Variants in CLIP4 observed in about 807,000 individuals in gnomAD.
CLIP4 encodes CAP-Gly domain containing linker protein family member 4, also known as CAP-Gly domain-containing linker protein 4.
Under a neutral mutation model 73.1 loss-of-function variants are expected in CLIP4, and 47 were observed. The observed-to-expected ratio is 0.64, with a 90% confidence interval of 0.51 to 0.82. The LOEUF is 0.82. Among genes scored for constraint, CLIP4 ranks in the 40% least tolerant of loss-of-function variants. The pLI, the probability that CLIP4 is intolerant of heterozygous loss-of-function variation, is 0.00. For missense variants in CLIP4, 874 were observed against 852.9 expected (o/e 1.02, Z -0.31); for synonymous variants, 306 against 295.4 (o/e 1.04, Z -0.37).
intron 15 of CLIP4, among the ~76,000 whole-genome samples, chr2:29,179,557 T>C (rs780848376): frequency 6.6e-6 from 1 of 152,186 alleles, no homozygotes; most frequent in Middle Eastern, 3.2e-3. Flanking sequence ...AGATTCTTCT[T>C]CCATTATAAG....
chr2:29,170,160 G>A (rs964836660), intron 14 of CLIP4, among the ~76,000 whole-genome samples: 5 of 151,986 alleles, frequency 3.3e-5, no homozygotes, highest in Non-Finnish European at 7.4e-5. Flanking sequence ...TCATCCATTG[G>A]TGGACACTTA....
At chr2:29,179,645 G>A (rs115416410) in intron 15 of CLIP4, among the ~76,000 whole-genome samples, 2,068 of 152,302 alleles carry the variant, frequency 0.014, 25 homozygotes, top group Non-Finnish European at 0.022. Context: ...TACCTAGTAA[G>A]TGTTCAGGAA....
At chr2:29,142,012 A>G (rs745432907) in intron 6 of CLIP4, among the ~76,000 whole-genome samples, 5 of 152,178 alleles carry the variant, frequency 3.3e-5, no homozygotes, top group African/African-American at 1.2e-4. Context: ...CAGGGTTAAT[A>G]TAGAAATGTG....
chr2:29,147,456 A>G (rs1226114797), intron 8 of CLIP4, among the ~76,000 whole-genome samples: 1 of 152,108 alleles, frequency 6.6e-6, no homozygotes, highest in Admixed American at 6.5e-5. Flanking sequence ...TGGCTTAAAG[A>G]CTTTTATCAA....
chr2:29,157,552 T>G (rs1219400637), intron 11 of CLIP4: 4 of 701,484 alleles, frequency 5.7e-6, no homozygotes, highest in Non-Finnish European at 9.3e-6. Flanking sequence ...GCATTTATTT[T>G]CATGTAATTC....
chr2:29,170,232 C>T lies in CLIP4; in HGVS notation c.1723+2692C>T, dbSNP rs977786594. On this transcript the variant is annotated intron_variant, in intron 14 of 15. Coordinates refer to ENST00000320081, the MANE Select transcript of CLIP4 (RefSeq NM_024692.6). The stretch of plus-strand genomic sequence containing the variant: ...TCAGTAAACATGAGAGTGCAGCTAT[C>T]TCTTCAATGTACTGATTTCCTTTCT... 2.0e-5 allele frequency among the ~76,000 whole-genome samples: 3 copies of T among 152,180 alleles called. No individual in the cohort carries two copies. The East Asian group carries it at 5.8e-4, about 29-fold the overall frequency.
chr2:29,176,243 G>A (rs1668337483), intron 15 of CLIP4, among the ~76,000 whole-genome samples: 1 of 152,186 alleles, frequency 6.6e-6, no homozygotes, highest in Non-Finnish European at 1.5e-5. Flanking sequence ...TCTGCCAAGG[G>A]GCCAGAGTTG....
At chr2:29,099,092 G>C (rs1263596981) in intron 1 of CLIP4, among the ~76,000 whole-genome samples, 1 of 152,124 alleles carries the variant, frequency 6.6e-6, no homozygotes, top group Non-Finnish European at 1.5e-5. Flanking sequence ...TGTATATTTT[G>C]GATAACAGTC....
At chr2:29,107,492 C>T (rs1395577946) in intron 1 of CLIP4, among the ~76,000 whole-genome samples, 1 of 150,046 alleles carries the variant, frequency 6.7e-6, no homozygotes, top group Non-Finnish European at 1.5e-5. Flanking sequence ...CTGCCTCAGC[C>T]TCCCAAGTAG....
Position 29,174,767 on chromosome 2 carries a change from A to G in CLIP4, c.1796+322A>G, listed in dbSNP as rs918028361. On this transcript the variant is annotated intron_variant, in intron 15 of 15. Coordinates refer to ENST00000320081, the MANE Select transcript of CLIP4 (RefSeq NM_024692.6). Reference sequence around the variant, plus strand: ...ATTGCTTTTAAACTCTCCTTAAGTAATGAGAGATTTGATTTAATATTGTCA... The same window carrying G: ...ATTGCTTTTAAACTCTCCTTAAGTAGTGAGAGATTTGATTTAATATTGTCA... 3.1e-5 allele frequency: 21 copies of G among 688,070 alleles called. No individual in the cohort carries two copies. The African/African-American group carries it at 4.0e-4, about 13-fold the overall frequency. The allele number at this position is 688,070 out of a possible 1,614,324, so 42.6% of individuals were successfully genotyped here. A position where few individuals can be genotyped will look rare whatever the true frequency, so the allele number is the denominator to read the frequency against.
intron 2 of CLIP4, among the ~76,000 whole-genome samples, chr2:29,122,655 C>T (rs1015126376): frequency 4.0e-5 from 6 of 151,712 alleles, no homozygotes; most frequent in African/African-American, 7.3e-5. Flanking sequence ...GTTGAAACCC[C>T]GTCTCTACTA....
intron 4 of CLIP4, 87 bp downstream of exon 4, chr2:29,132,332 G>A: frequency 9.6e-7 from 1 of 1,046,998 alleles, no homozygotes; most frequent in Non-Finnish European, 1.5e-6. Flanking sequence ...ATTGTCTGGG[G>A]GAAGGCACCC....
At chr2:29,123,817 C>T (rs1664421767) in intron 2 of CLIP4, among the ~76,000 whole-genome samples, 1 of 152,034 alleles carries the variant, frequency 6.6e-6, no homozygotes, top group African/African-American at 2.4e-5. Context: ...CAAAAAGAAA[C>T]CAGTCCACAG....
intron 1 of CLIP4, among the ~76,000 whole-genome samples, chr2:29,120,449 G>A (rs1231438775): frequency 6.6e-6 from 1 of 152,140 alleles, no homozygotes. Context: ...GTAGTAGCTA[G>A]TATGGTGTTG....
rs1478465614 is a variant in CLIP4, at chr2:29,182,719, A to T, written c.*826A>T. The T allele has an allele frequency of 6.6e-6, 1 of 152,472 alleles. No individual in the cohort carries two copies. The highest frequency in any genetic ancestry group is 2.4e-5 in the African/African-American group (1 of 41,388). 9.4% of individuals were successfully genotyped at this position (152,472 alleles called of 1,614,324 possible). On this transcript the variant is annotated 3_prime_UTR_variant, in exon 16 of 16. Coordinates refer to ENST00000320081, the MANE Select transcript of CLIP4 (RefSeq NM_024692.6). ...GTTTATGAATTCAAGTAATAATTAG[A>T]TTTTTTTTGCACAGACTTACTTAAC...
At chr2:29,129,508 A>T (rs1251672585) in intron 2 of CLIP4, among the ~76,000 whole-genome samples, 1 of 151,984 alleles carries the variant, frequency 6.6e-6, no homozygotes, top group Non-Finnish European at 1.5e-5. Context: ...AATTTTAGCC[A>T]TGTGTCAATT....
At chr2:29,106,754 C>A (rs1316433247) in intron 1 of CLIP4, among the ~76,000 whole-genome samples, 1 of 152,152 alleles carries the variant, frequency 6.6e-6, no homozygotes, top group East Asian at 1.9e-4. Context: ...TTTGATGGGT[C>A]AGTATGCAAA....
upstream of CLIP4, among the ~76,000 whole-genome samples, chr2:29,112,811 G>A (rs1386023480): frequency 6.6e-6 from 1 of 152,230 alleles, no homozygotes; most frequent in Non-Finnish European, 1.5e-5. Context: ...TAAGGGCCTA[G>A]GCCCCCTATA....
intron 14 of CLIP4, among the ~76,000 whole-genome samples, chr2:29,168,814 G>T (rs1014249972): frequency 6.6e-6 from 1 of 151,884 alleles, no homozygotes; most frequent in Non-Finnish European, 1.5e-5. Context: ...GAGCCACCAC[G>T]CCCAGCCTGC....
Sources: allele counts gnomAD v4.1 joint callset (sites outside exome capture counted in the v4.1 genomes callset), GRCh38; gene constraint gnomAD v4.1.1; transcripts MANE v1.5; gene names NCBI Gene and HGNC (gene_info 2026-07-23, HGNC 2026-07-21).